Variants in ANXA8 observed in about 807,000 individuals in gnomAD.
ANXA8 encodes the protein annexin A8, also known as VAC-beta.
In ANXA8, 9 loss-of-function variants were observed where a neutral mutation model predicts 26.8. The observed-to-expected ratio is 0.34, with a 90% CI of 0.20 to 0.59. ANXA8 has a LOEUF of 0.59. ANXA8 is among the 20% of genes least tolerant of loss of function. The probability of loss-of-function intolerance (pLI) is 0.84; values close to 1 mark genes in which losing one functional copy is unlikely to be tolerated. For synonymous variants in ANXA8, 39 were observed against 94.8 expected (o/e 0.41, Z 3.42); for missense variants, 83 against 238.5 (o/e 0.35, Z 4.29).
the ANXA8 span, among the ~76,000 whole-genome samples, chr10:47,585,263 C>CAAAAAAAAA: frequency 5.3e-4 from 23 of 43,596 alleles, no homozygotes; most frequent in Non-Finnish European, 5.7e-4. Context: ...GACTCCATCT[C>CAAAAAAAAA]AAAAAAAAAA....
the ANXA8 span, among the ~76,000 whole-genome samples, chr10:47,620,283 A>G: frequency 1.3e-3 from 125 of 94,112 alleles, 9 homozygotes; most frequent in Admixed American, 2.6e-3. Flanking sequence ...GATTAAATCC[A>G]TAAATTAGTA....
At chr10:47,533,185 T>TCTCACACA in the ANXA8 span, among the ~76,000 whole-genome samples, 142 of 102,448 alleles carry the variant, frequency 1.4e-3, no homozygotes, top group African/African-American at 5.5e-3. Context: ...TAAACACACA[T>TCTCACACA]CACACACACA....
chr10:47,502,566 C>T, the ANXA8 span: 18 of 1,611,110 alleles, frequency 1.1e-5, no homozygotes, highest in Non-Finnish European at 1.5e-5. Context: ...GCCAGTCATC[C>T]AGCTCCAGAG....
At chr10:47,639,351 C>T in the ANXA8 span, among the ~76,000 whole-genome samples, 15 of 133,030 alleles carry the variant, frequency 1.1e-4, no homozygotes, top group Admixed American at 1.6e-4. Flanking sequence ...CTAGCTCTTT[C>T]GCCCAGGCCG....
the ANXA8 span, among the ~76,000 whole-genome samples, chr10:47,943,974 G>A: frequency 5.4e-5 from 8 of 147,950 alleles, no homozygotes; most frequent in African/African-American, 2.1e-4. Flanking sequence ...GCAGCCCCTG[G>A]GGCAGACACT....
chr10:47,559,331 T>C, the ANXA8 span, among the ~76,000 whole-genome samples: 2 of 151,556 alleles, frequency 1.3e-5, no homozygotes, highest in East Asian at 3.9e-4. Flanking sequence ...TTTCACCATG[T>C]TGGCCAAGCT....
chr10:47,689,813 G>A, the ANXA8 span: 6 of 1,357,304 alleles, frequency 4.4e-6, no homozygotes, highest in Non-Finnish European at 6.2e-6. Flanking sequence ...GCTGACCCCT[G>A]GAAAAAAATT....
the ANXA8 span, among the ~76,000 whole-genome samples, chr10:47,701,363 C>G: frequency 8.6e-5 from 13 of 151,790 alleles, no homozygotes; most frequent in South Asian, 1.9e-3. Context: ...AATCCCACTT[C>G]TAGGAATCTA....
the ANXA8 span, among the ~76,000 whole-genome samples, chr10:47,769,682 A>C: frequency 6.8e-6 from 1 of 147,212 alleles, no homozygotes; most frequent in Non-Finnish European, 1.5e-5. Context: ...CACTTCCATA[A>C]AAAAATCAGT....
At chr10:47,553,397 C>A in the ANXA8 span, 1 of 155,276 alleles carries the variant, frequency 6.4e-6, no homozygotes, top group Non-Finnish European at 1.4e-5. Context: ...GGAGGACCTT[C>A]CCATGCGCAC....
the ANXA8 span, chr10:47,565,102 G>C: frequency 6.6e-6 from 5 of 754,804 alleles, no homozygotes; most frequent in South Asian, 7.0e-5. Flanking sequence ...ACCAGCGCCC[G>C]TCCATCTCGC....
At chr10:47,975,214 G>C in the ANXA8 span, among the ~76,000 whole-genome samples, 3,588 of 148,862 alleles carry the variant, frequency 0.024, 5 homozygotes, top group African/African-American at 0.083. Flanking sequence ...GATTGGTGGT[G>C]GCTGCTTTAA....
the ANXA8 span, among the ~76,000 whole-genome samples, chr10:47,603,123 T>C: frequency 9.7e-5 from 13 of 133,542 alleles, no homozygotes; most frequent in South Asian, 2.5e-3. Context: ...ACTTGGGCTA[T>C]AACAGTGAAA....
chr10:47,663,438 T>A, the ANXA8 span, among the ~76,000 whole-genome samples: 1 of 139,326 alleles, frequency 7.2e-6, no homozygotes, highest in Non-Finnish European at 1.5e-5. Flanking sequence ...CTAGGCTGAG[T>A]GCAATGACAT....
the ANXA8 span, among the ~76,000 whole-genome samples, chr10:47,972,953 G>A: frequency 6.7e-6 from 1 of 149,540 alleles, no homozygotes; most frequent in South Asian, 2.1e-4. Context: ...ATGCTAAGGT[G>A]TGGGATGTGC....
chr10:47,538,664 T>C, the ANXA8 span: 1 of 137,710 alleles, frequency 7.3e-6, no homozygotes, highest in East Asian at 3.1e-4. Flanking sequence ...TTTCATTTTT[T>C]TGTAGAGATG....
the ANXA8 span, among the ~76,000 whole-genome samples, chr10:47,577,088 A>G: frequency 2.7e-5 from 4 of 148,484 alleles, no homozygotes; most frequent in Non-Finnish European, 4.5e-5. Context: ...TGTGCTGGGC[A>G]TGGTGGCATG....
At chr10:47,720,984 CAAA>C in the ANXA8 span, among the ~76,000 whole-genome samples, 3 of 95,572 alleles carry the variant, frequency 3.1e-5, no homozygotes, top group Non-Finnish European at 2.3e-5. Context: ...CCATCTCTAC[CAAA>C]AAAAAAAAAA....
the ANXA8 span, among the ~76,000 whole-genome samples, chr10:47,655,592 A>G: frequency 1.3e-5 from 2 of 151,656 alleles, no homozygotes; most frequent in Non-Finnish European, 2.9e-5. Flanking sequence ...AAGACTGGAT[A>G]GTGGAAATGA....
Sources: allele counts gnomAD v4.1 joint callset (sites outside exome capture counted in the v4.1 genomes callset), GRCh38; gene constraint gnomAD v4.1.1; transcripts MANE v1.5; gene names NCBI Gene and HGNC (gene_info 2026-07-23, HGNC 2026-07-21).